ANKS1A: variants seen among roughly 807,000 people sequenced by gnomAD.
ANKS1A encodes ankyrin repeat and sterile alpha motif domain containing 1A, also known as ankyrin repeat and SAM domain-containing protein 1A.
Under a neutral mutation model 120.3 loss-of-function variants are expected in ANKS1A, and 55 were observed. The ratio of observed to expected loss-of-function variants is 0.46; its 90% CI spans 0.37 to 0.57. ANKS1A has a LOEUF of 0.57. Ranked by LOEUF, ANKS1A falls within the 20% of genes least tolerant of loss-of-function variation. The pLI is 0.00. For missense variants in ANKS1A, 1,123 were observed against 1,480.3 expected, an observed-to-expected ratio of 0.76 and a Z score of 3.96; for synonymous variants, 590 against 604.7, an observed-to-expected ratio of 0.98 and a Z score of 0.36.
intron 19 of ANKS1A, 74 bp downstream of exon 19, chr6:35,083,300 A>G: frequency 6.3e-7 from 1 of 1,597,694 alleles, no homozygotes; most frequent in East Asian, 2.2e-5. Context: ...CAGTAGCTGC[A>G]GTTGCCTGGG....
intron 1 of ANKS1A, among the ~76,000 whole-genome samples, chr6:34,902,998 A>T (rs1767439656): frequency 6.6e-6 from 1 of 152,200 alleles, no homozygotes. Flanking sequence ...CAATTGGCAG[A>T]TATTTATGAA....
downstream of ANKS1A, among the ~76,000 whole-genome samples, chr6:35,093,541 A>ATT (rs1384497077): frequency 2.0e-5 from 3 of 152,334 alleles, no homozygotes; most frequent in East Asian, 5.8e-4. Flanking sequence ...AGCAAAATGC[A>ATT]CCTTTGAGAA....
intron 1 of ANKS1A, among the ~76,000 whole-genome samples, chr6:34,895,546 G>A (rs1767026591): frequency 6.6e-6 from 1 of 152,018 alleles, no homozygotes; most frequent in Non-Finnish European, 1.5e-5. Context: ...CCTATTTTGA[G>A]CAAAATGATT....
In ANKS1A at chr6:34,981,824, A is replaced by G; in HGVS notation, c.570A>G (p.Ala190=). ...TCGAGACCCCTTTGGACCTGGCAGC[A>G]CTGTACGGGCGACTGGAGGTGGTGA... ...NKFETPLDLA[A]LYGRLEVVKM... The change falls in exon 4 of 24, where the codon GCA becomes GCG. Residue 190 remains alanine (A), a synonymous_variant. Coordinates refer to ENST00000360359, the MANE Select transcript of ANKS1A (RefSeq NM_015245.3). The G allele has an allele frequency of 1.2e-6, 2 of 1,614,136 alleles. No individual in the cohort carries two copies. Among genetic ancestry groups the G allele is most frequent in the Non-Finnish European group, 1.7e-6 (2 of 1,180,016 alleles).
At chr6:35,045,753 C>A (rs368787713) in intron 11 of ANKS1A, among the ~76,000 whole-genome samples, 1 of 152,164 alleles carries the variant, frequency 6.6e-6, no homozygotes, top group Admixed American at 6.5e-5. Context: ...GCTAGCTCCC[C>A]ACCAGGGTGC....
At chr6:34,922,120 A>C (rs999680105) in intron 1 of ANKS1A, among the ~76,000 whole-genome samples, 2 of 150,130 alleles carry the variant, frequency 1.3e-5, no homozygotes, top group African/African-American at 4.9e-5. Context: ...GGGATGACAT[A>C]TGTTTTTGAC....
At position 35,017,792 on chromosome 6, in the gene ANKS1A, T is replaced by G. The variant is rs992089696; in HGVS notation, c.1743T>G (p.Pro581=). 1.9e-6 allele frequency: 3 copies of G among 1,614,190 alleles called. No individual in the cohort carries two copies. Among genetic ancestry groups the G allele is most frequent in the Non-Finnish European group, 1.7e-6 (2 of 1,180,022 alleles). ...CCACCACCAACAGCCGCTCGCACCC[T>G]GAAACTTTGACTCACACAGCATCTC... The part of the protein sequence containing the change: ...GLPTTNSRSH[P]ETLTHTASPH... The change falls in exon 11 of 24, where the codon CCT becomes CCG. Residue 581 remains proline, a synonymous_variant. Coordinates refer to ENST00000360359, the MANE Select transcript of ANKS1A (RefSeq NM_015245.3).
At chr6:34,991,203 A>G (rs562239958) in intron 9 of ANKS1A, among the ~76,000 whole-genome samples, 1 of 152,296 alleles carries the variant, frequency 6.6e-6, no homozygotes, top group African/African-American at 2.4e-5. Flanking sequence ...AGGAGAAGCC[A>G]GAGTATACCT....
chr6:35,042,190 C>T (rs1223029934), intron 11 of ANKS1A, among the ~76,000 whole-genome samples: 2 of 152,148 alleles, frequency 1.3e-5, no homozygotes, highest in Non-Finnish European at 2.9e-5. Flanking sequence ...GGAAAGAACA[C>T]AGTTCCTTGT....
chr6:34,939,018 C>A (rs890234299), intron 1 of ANKS1A, among the ~76,000 whole-genome samples: 1 of 152,142 alleles, frequency 6.6e-6, no homozygotes, highest in African/African-American at 2.4e-5. Context: ...CCAAGTATTT[C>A]TTTGAAACTC....
rs1164091167 is a variant in ANKS1A, at chr6:35,081,134, C to T, written c.2685C>T (p.Ser895=). Residue 895 remains serine (S), a synonymous_variant, in exon 17 of 24, where the codon TCC becomes TCT. Coordinates refer to ENST00000360359, the MANE Select transcript of ANKS1A (RefSeq NM_015245.3). ...HDSLHDPAAP[S]RAERFRIQEE... The stretch of plus-strand genomic sequence containing the variant: ...GTCTCCATGACCCTGCGGCACCCTC[C>T]CGAGCGGAGCGCTTCAGGATCCAGG... 1.9e-6 allele frequency: 3 copies of T among 1,611,856 alleles called. No homozygotes were observed. In the African/African-American group the frequency reaches 4.0e-5, roughly 22 times the overall value.
At chr6:35,083,296 C>G (rs1052768826) in intron 19 of ANKS1A, 70 bp downstream of exon 19, 5 of 1,598,918 alleles carry the variant, frequency 3.1e-6, no homozygotes, top group Non-Finnish European at 4.3e-6. Flanking sequence ...GGGGCAGTAG[C>G]TGCAGTTGCC....
chr6:35,043,328 C>T (rs1775557829), intron 11 of ANKS1A, among the ~76,000 whole-genome samples: 1 of 152,176 alleles, frequency 6.6e-6, no homozygotes, highest in South Asian at 2.1e-4. Context: ...TGGACAGAGG[C>T]AGTGATAAAT....
intron 8 of ANKS1A, among the ~76,000 whole-genome samples, chr6:34,988,110 A>G (rs1772304806): frequency 6.6e-6 from 1 of 152,162 alleles, no homozygotes. Context: ...TGACTTTCTT[A>G]TTCTAGAGCA....
At chr6:35,032,087 C>T (rs919749007) in intron 11 of ANKS1A, among the ~76,000 whole-genome samples, 1 of 152,092 alleles carries the variant, frequency 6.6e-6, no homozygotes, top group Non-Finnish European at 1.5e-5. Context: ...GGGACTTAGA[C>T]CCTAAAGGGA....
chr6:34,984,663 C>T (rs1356252923), intron 7 of ANKS1A, among the ~76,000 whole-genome samples: 1 of 152,144 alleles, frequency 6.6e-6, no homozygotes, highest in Non-Finnish European at 1.5e-5. Flanking sequence ...GCTGCATGGG[C>T]CTCCAGCTCA....
At position 35,089,201 on chromosome 6, in the gene ANKS1A, G is replaced by C. The variant is rs1204930699; in HGVS notation, c.*592G>C. The stretch of plus-strand genomic sequence containing the variant: ...CTGCCCAACTTCCTGTCCCTTTCAG[G>C]GGCTAGACACAGGCTTCTCGTAAGA... On this transcript the variant is annotated 3_prime_UTR_variant, in exon 24 of 24. Coordinates refer to ENST00000360359, the MANE Select transcript of ANKS1A (RefSeq NM_015245.3). 1 of 995,008 alleles carries C rather than the reference G, an allele frequency of 1.0e-6. No individual in the cohort carries two copies. The highest frequency in any genetic ancestry group is 1.7e-5 in the African/African-American group (1 of 57,470). 61.6% of individuals were successfully genotyped at this position (995,008 alleles called of 1,614,324 possible). A position where few individuals can be genotyped will look rare whatever the true frequency, so the allele number is the denominator to read the frequency against.
In ANKS1A at chr6:35,050,273, G is replaced by A. The variant is rs559882652; in HGVS notation, c.2011-3826G>A. ...TTCCAAGCATTTTTTGAAGACAAGA[G>A]TCCATTATGGTGATAACTTTCAAGT... On this transcript the variant is annotated intron_variant, in intron 11 of 23. Coordinates refer to ENST00000360359, the MANE Select transcript of ANKS1A (RefSeq NM_015245.3). This position sits in a 1 kb window ranked among gnomAD's most constrained non-coding sequence, Gnocchi z 4.3. Among the ~76,000 whole-genome samples, 1 of 152,308 alleles carries A rather than the reference G, an allele frequency of 6.6e-6. No individual in the cohort carries two copies. Among genetic ancestry groups the A allele is most frequent in the African/African-American group, 2.4e-5 (1 of 41,564 alleles).
At chr6:35,010,203 G>A (rs2504168) in intron 10 of ANKS1A, among the ~76,000 whole-genome samples, 100,781 of 151,860 alleles carry the variant, frequency 0.66, 35,780 homozygotes, top group Non-Finnish European at 0.8. Flanking sequence ...AAAGAGTAGA[G>A]CTTATGTTTA....
Sources: allele counts gnomAD v4.1 joint callset (sites outside exome capture counted in the v4.1 genomes callset), GRCh38; gene constraint gnomAD v4.1.1; non-coding constraint Gnocchi (gnomAD v3.1); transcripts MANE v1.5; gene names NCBI Gene and HGNC (gene_info 2026-07-23, HGNC 2026-07-21).